CNKSR2: variants seen among roughly 807,000 people sequenced by gnomAD.
CNKSR2 encodes the protein CNK homolog protein 2.
CNKSR2 carries 14 observed loss-of-function variants against 84.4 expected under a neutral mutation model. That is an observed-to-expected ratio of 0.17 (90% confidence interval 0.11 to 0.26). The LOEUF is 0.26. CNKSR2 is among the 10% of genes least tolerant of loss of function. The pLI is 1.00. For synonymous variants in CNKSR2, 275 were observed against 277.9 expected (o/e 0.99, Z 0.10); for missense variants, 485 against 771.2 (o/e 0.63, Z 4.40).
rs957114355 is a variant in CNKSR2 at position 21,634,113 on chromosome X, A to T, written c.2693-14718A>T. Among the ~76,000 whole-genome samples, 4 of 112,258 alleles carry T rather than the reference A, an allele frequency of 3.6e-5. No individual in the cohort carries two copies. In the Admixed American group the frequency reaches 3.8e-4, roughly 11 times the overall value. On this transcript the variant is annotated intron_variant, in intron 20 of 21. Transcript: ENST00000379510. ...TGTACACAACATATTTTGAATGCCTAAAAATATAATAATTTGAATGTTGGA... is the reference window on the plus strand; with the variant it reads ...TGTACACAACATATTTTGAATGCCTTAAAATATAATAATTTGAATGTTGGA...
rs2092539250 is a variant in CNKSR2, at chrX:21,609,578, G to C, written c.2653G>C (p.Glu885Gln). Residue 885 changes from glutamate (E) to glutamine (Q), a missense_variant, in exon 20 of 22, where the codon GAG becomes CAG. Coordinates refer to ENST00000379510, the MANE Select transcript of CNKSR2 (RefSeq NM_014927.5). Reference sequence around the variant, plus strand: ...GGAGGAAGAGGAGGAGGAGGAGGAGGAGGAAGGGGAGGCAGCAGGGGAAAA... The same window carrying C: ...GGAGGAAGAGGAGGAGGAGGAGGAGCAGGAAGGGGAGGCAGCAGGGGAAAA... ...EVEEEEEEEE[E>Q]EGEAAGENIG... 11 of 1,206,324 alleles carry C rather than the reference G, an allele frequency of 9.1e-6. No individual in the cohort carries two copies. The highest frequency in any genetic ancestry group is 1.2e-5 in the Non-Finnish European group (11 of 894,134).
chrX:21,611,559 A>G (rs962868742), intron 20 of CNKSR2, among the ~76,000 whole-genome samples: 1 of 112,366 alleles, frequency 8.9e-6, no homozygotes, highest in Non-Finnish European at 1.9e-5. Context: ...TCAGGTTTCC[A>G]GTAGTCCACA....
rs1569131521 is a variant in CNKSR2, at chrX:21,374,633, C to CA, written c.-265_-264insA. 25 of 452,060 alleles carry CA rather than the reference C, an allele frequency of 5.5e-5. No homozygotes were observed. Among genetic ancestry groups the CA allele is most frequent in the African/African-American group, 5.1e-4 (20 of 39,255 alleles). The allele number at this position is 452,060 out of a possible 1,213,427, so 37.3% of individuals were successfully genotyped here. On this transcript the variant is annotated 5_prime_UTR_variant, in exon 1 of 22. Transcript: ENST00000379510. Reference sequence around the variant, plus strand: ...CAGCAGCAGCAGCAGCAGCAGCAGCCGCCGCCGCCGCCGCCTTAGCGGGAA... The same window carrying CA: ...CAGCAGCAGCAGCAGCAGCAGCAGCCAGCCGCCGCCGCCGCCTTAGCGGGAA...
intron 9 of CNKSR2, among the ~76,000 whole-genome samples, chrX:21,520,756 A>C (rs2091775223): frequency 9.2e-6 from 1 of 109,168 alleles, no homozygotes; most frequent in African/African-American, 3.3e-5. Flanking sequence ...AATTCTCAAC[A>C]TAATGACATA....
At chrX:21,582,023 GT>G (rs1414839838) in intron 13 of CNKSR2, among the ~76,000 whole-genome samples, 1 of 111,528 alleles carries the variant, frequency 9.0e-6, no homozygotes, top group Non-Finnish European at 1.9e-5. Context: ...ATTGAACTGA[GT>G]TCTGTTAATA....
chrX:21,590,713 A>C, intron 14 of CNKSR2, 93 bp downstream of exon 14: 1 of 950,765 alleles, frequency 1.1e-6, no homozygotes, highest in Non-Finnish European at 1.5e-6. Context: ...GCCTGAGCCC[A>C]GTGTGGTTTA....
At chrX:21,390,946 G>C (rs1162925203) in intron 1 of CNKSR2, among the ~76,000 whole-genome samples, 2 of 111,746 alleles carry the variant, frequency 1.8e-5, no homozygotes, top group Non-Finnish European at 3.8e-5. Context: ...AAAGAAAGGG[G>C]CTACAGGACC....
At chrX:21,423,576 A>G (rs1395736109) in intron 1 of CNKSR2, 2 of 112,172 alleles carry the variant, frequency 1.8e-5, no homozygotes, top group African/African-American at 6.5e-5. Flanking sequence ...AACAAATCAT[A>G]TGCTACTTGT....
At chrX:21,394,903 A>G (rs995880146) in intron 1 of CNKSR2, among the ~76,000 whole-genome samples, 1 of 111,690 alleles carries the variant, frequency 9.0e-6, no homozygotes, top group Admixed American at 9.5e-5. Context: ...AAAACAGGCA[A>G]TTGTAAGAAA....
chrX:21,545,082 G>T (rs2092011955), intron 11 of CNKSR2, among the ~76,000 whole-genome samples: 2 of 111,261 alleles, frequency 1.8e-5, no homozygotes, highest in Non-Finnish European at 1.9e-5. Flanking sequence ...GGAGCCAAGG[G>T]ATCTAGCTCA....
At chrX:21,550,415 C>T (rs1402074151) in intron 11 of CNKSR2, among the ~76,000 whole-genome samples, 1 of 111,384 alleles carries the variant, frequency 9.0e-6, no homozygotes, top group Non-Finnish European at 1.9e-5. Flanking sequence ...AGTCAGGAAA[C>T]AACAGATGCT....
intron 20 of CNKSR2, among the ~76,000 whole-genome samples, chrX:21,615,866 C>T (rs1376792028): frequency 9.0e-6 from 1 of 111,287 alleles, no homozygotes; most frequent in Non-Finnish European, 1.9e-5. Flanking sequence ...AATGATGAAA[C>T]ATTAGCAATT....
At position 21,629,245 on chromosome X, in the gene CNKSR2, A is replaced by G. The variant is rs1356144010; in HGVS notation, c.2693-19586A>G. On this transcript the variant is annotated intron_variant, in intron 20 of 21. Coordinates refer to ENST00000379510, the MANE Select transcript of CNKSR2 (RefSeq NM_014927.5). ...TTAGCATTTTGGTCAAAGCCATTCA[A>G]CAAGTCTCTAGGGAGTGTCAAACTT... 1.1e-4 allele frequency among the ~76,000 whole-genome samples: 12 copies of G among 112,044 alleles called. No homozygotes were observed. In the Admixed American group the frequency reaches 1.1e-3, roughly 11 times the overall value.
intron 10 of CNKSR2, among the ~76,000 whole-genome samples, chrX:21,529,471 T>C (rs535013088): frequency 9.0e-6 from 1 of 111,393 alleles, no homozygotes; most frequent in African/African-American, 3.2e-5. Flanking sequence ...TTTCTCCTAT[T>C]AACTCTACTG....
intron 5 of CNKSR2, among the ~76,000 whole-genome samples, chrX:21,471,784 T>A (rs2091200860): frequency 1.8e-5 from 2 of 111,368 alleles, no homozygotes; most frequent in Admixed American, 9.6e-5. Flanking sequence ...ATAAGAATAG[T>A]CTCAGGAGTG....
intron 20 of CNKSR2, among the ~76,000 whole-genome samples, chrX:21,613,811 A>C (rs182304734): frequency 5.3e-4 from 58 of 110,056 alleles, no homozygotes; most frequent in African/African-American, 1.8e-3. Flanking sequence ...GTGGTGGCAC[A>C]TACCTGTAAT....
intron 7 of CNKSR2, among the ~76,000 whole-genome samples, chrX:21,498,696 A>G (rs2091527771): frequency 8.9e-6 from 1 of 112,319 alleles, no homozygotes; most frequent in Non-Finnish European, 1.9e-5. Flanking sequence ...ATCATGCTGG[A>G]TATTATTAAC....
rs2092518047 is a variant in CNKSR2, at chrX:21,606,537, T to G, written c.2045-242T>G. On this transcript the variant is annotated intron_variant, in intron 18 of 21. Transcript: ENST00000379510. ...GTACGTTCTTTTTAACTCTCTAAAA[T>G]TATGGCTGCATGTAACTGCTTGCTT... 2.1e-5 allele frequency: 6 copies of G among 291,852 alleles called. No individual in the cohort carries two copies. The South Asian group carries it at 6.3e-4, about 31-fold the overall frequency. The allele number at this position is 291,852 out of a possible 1,213,427, so 24.1% of individuals were successfully genotyped here.
At chrX:21,503,534 C>CA (rs2091580428) in intron 8 of CNKSR2, 1 of 242,229 alleles carries the variant, frequency 4.1e-6, no homozygotes, top group Non-Finnish European at 7.3e-6. Flanking sequence ...ACCCAAAACT[C>CA]AAAGTTCTTT....
Sources: gnomAD v4.1 joint callset for allele counts (sites outside exome capture counted in the v4.1 genomes callset) on GRCh38, gnomAD v4.1.1 for gene constraint, MANE v1.5 for transcripts, NCBI Gene and HGNC (gene_info 2026-07-23, HGNC 2026-07-21) for gene names.